KCND2: variants seen among roughly 807,000 people sequenced by gnomAD.
The protein encoded by KCND2 is potassium voltage-gated channel subfamily D member 2.
A neutral mutation model predicts 54.4 loss-of-function variants in KCND2; 16 were observed. That is an observed-to-expected ratio of 0.29 (90% CI 0.20 to 0.45). The LOEUF (loss-of-function observed/expected upper bound fraction) is 0.45. Among genes scored for constraint, KCND2 ranks in the 20% least tolerant of loss-of-function variants. KCND2 has a pLI of 1.00. For missense variants in KCND2, 486 were observed against 824.2 expected, an observed-to-expected ratio of 0.59 and a Z score of 5.02; for synonymous variants, 317 against 310.7, an observed-to-expected ratio of 1.02 and a Z score of -0.21.
intron 1 of KCND2, among the ~76,000 whole-genome samples, chr7:120,621,070 C>T (rs750852454): frequency 1.3e-5 from 2 of 151,646 alleles, no homozygotes; most frequent in Non-Finnish European, 1.5e-5. Flanking sequence ...TTTAGGAGTT[C>T]GAGACCAGCC....
At chr7:120,443,848 C>T (rs895210501) in intron 1 of KCND2, among the ~76,000 whole-genome samples, 1 of 152,062 alleles carries the variant, frequency 6.6e-6, no homozygotes, top group African/African-American at 2.4e-5. Context: ...TATTAGCCTT[C>T]TTGGCTTCAG....
intron 1 of KCND2, among the ~76,000 whole-genome samples, chr7:120,352,211 C>T (rs1800419928): frequency 6.6e-6 from 1 of 151,946 alleles, no homozygotes; most frequent in Non-Finnish European, 1.5e-5. Context: ...GCTGGGATTA[C>T]AGGCATGAGC....
intron 1 of KCND2, among the ~76,000 whole-genome samples, chr7:120,489,232 CTGT>C (rs897033973): frequency 6.6e-6 from 1 of 151,842 alleles, no homozygotes; most frequent in Non-Finnish European, 1.5e-5. Context: ...GTAGATCAGT[CTGT>C]TATTATAACT....
intron 1 of KCND2, among the ~76,000 whole-genome samples, chr7:120,475,295 G>C (rs1223382372): frequency 1.3e-5 from 2 of 152,160 alleles, no homozygotes; most frequent in African/African-American, 2.4e-5. Context: ...TGTATCAAGA[G>C]AATGATAAAG....
intron 1 of KCND2, among the ~76,000 whole-genome samples, chr7:120,671,686 A>G (rs937617035): frequency 6.6e-6 from 1 of 152,002 alleles, no homozygotes; most frequent in African/African-American, 2.4e-5. Context: ...TAACATCCAC[A>G]TCTGTGACCC....
chr7:120,319,704 G>T lies in KCND2; in HGVS notation c.1115+43957G>T, dbSNP rs1055141787. Reference sequence around the variant, plus strand: ...TTCAAAAATATTGTTAAGATAATTAGATAGCCAAGAAGATAAGTTGTGTCA... The same window carrying T: ...TTCAAAAATATTGTTAAGATAATTATATAGCCAAGAAGATAAGTTGTGTCA... On this transcript the variant is annotated intron_variant, in intron 1 of 5. Coordinates refer to ENST00000331113, the MANE Select transcript of KCND2 (RefSeq NM_012281.3). Among the ~76,000 whole-genome samples, 6 of 152,030 alleles carry T rather than the reference G, an allele frequency of 3.9e-5. No individual in the cohort carries two copies. In the East Asian group the frequency reaches 9.6e-4, roughly 24 times the overall value.
intron 1 of KCND2, among the ~76,000 whole-genome samples, chr7:120,437,330 G>A (rs1801882082): frequency 6.6e-6 from 1 of 150,982 alleles, no homozygotes; most frequent in Admixed American, 6.6e-5. Flanking sequence ...AGCCTCCGGA[G>A]TAGCTGGGAT....
intron 1 of KCND2, among the ~76,000 whole-genome samples, chr7:120,463,017 A>G (rs962835862): frequency 2.6e-5 from 4 of 152,086 alleles, no homozygotes; most frequent in African/African-American, 9.7e-5. Flanking sequence ...GCAGTAACAA[A>G]TCACAGCATC....
chr7:120,605,742 T>C (rs1254467039), intron 1 of KCND2, among the ~76,000 whole-genome samples: 2 of 152,346 alleles, frequency 1.3e-5, no homozygotes, highest in East Asian at 3.9e-4. Flanking sequence ...ATTATCTATC[T>C]TTTTGATTAT....
At chr7:120,291,318 C>T (rs1369151521) in intron 1 of KCND2, among the ~76,000 whole-genome samples, 2 of 151,820 alleles carry the variant, frequency 1.3e-5, no homozygotes, top group African/African-American at 4.8e-5. Flanking sequence ...CACTTGAGCT[C>T]CCCAAAAATC....
At position 120,741,513 on chromosome 7, in the gene KCND2, T is replaced by A. The variant is rs116565037; in HGVS notation, c.1279-21T>A. 775 of 1,507,952 alleles carry A rather than the reference T, an allele frequency of 5.1e-4. 4 individuals carry two copies. In the African/African-American group the frequency reaches 8.9e-3, roughly 17 times the overall value. 93.4% of individuals were successfully genotyped at this position (1,507,952 alleles called of 1,614,324 possible). On this transcript the variant is annotated intron_variant, in intron 2 of 5. Coordinates refer to ENST00000331113, the MANE Select transcript of KCND2 (RefSeq NM_012281.3). ...AAACGATTTATAAATGTTAATGGGATGTTTATTTTTTCTCCTATAGAAAGC... is the reference window on the plus strand; with the variant it reads ...AAACGATTTATAAATGTTAATGGGAAGTTTATTTTTTCTCCTATAGAAAGC...
intron 1 of KCND2, among the ~76,000 whole-genome samples, chr7:120,296,008 A>G (rs1002649930): frequency 2.0e-5 from 3 of 152,152 alleles, no homozygotes; most frequent in Admixed American, 6.6e-5. Context: ...ACATGGGAAT[A>G]TTTGAGGTAA....
chr7:120,739,500 A>T (rs1309620465), intron 2 of KCND2, among the ~76,000 whole-genome samples: 1 of 151,894 alleles, frequency 6.6e-6, no homozygotes, highest in Non-Finnish European at 1.5e-5. Flanking sequence ...ATTCTCTACT[A>T]TTGTGTCAGT....
At chr7:120,286,284 C>G (rs1799341760) in intron 1 of KCND2, among the ~76,000 whole-genome samples, 1 of 151,818 alleles carries the variant, frequency 6.6e-6, no homozygotes, top group South Asian at 2.1e-4. Flanking sequence ...GAAGCACACA[C>G]ATATACACCA....
At chr7:120,372,665 T>C (rs1052446444) in intron 1 of KCND2, among the ~76,000 whole-genome samples, 2 of 151,924 alleles carry the variant, frequency 1.3e-5, no homozygotes, top group African/African-American at 2.4e-5. Context: ...ACAAATCTCC[T>C]TTCTTTTCCT....
chr7:120,429,166 C>T (rs189342717), intron 1 of KCND2, among the ~76,000 whole-genome samples: 17 of 152,194 alleles, frequency 1.1e-4, no homozygotes, highest in Admixed American at 4.6e-4. Flanking sequence ...TCAGGGAGTC[C>T]ACAATATCAA....
intron 1 of KCND2, among the ~76,000 whole-genome samples, chr7:120,725,288 G>A (rs1227050892): frequency 2.0e-5 from 3 of 151,992 alleles, no homozygotes; most frequent in African/African-American, 7.3e-5. Flanking sequence ...CACACTAAGG[G>A]TCCTAATTAA....
intron 1 of KCND2, among the ~76,000 whole-genome samples, chr7:120,403,201 T>G (rs1004203487): frequency 6.6e-6 from 1 of 152,144 alleles, no homozygotes; most frequent in East Asian, 1.9e-4. Flanking sequence ...AAAGAGAGAA[T>G]TTGTGACTGA....
At chr7:120,367,022 C>T (rs933629977) in intron 1 of KCND2, among the ~76,000 whole-genome samples, 8 of 152,032 alleles carry the variant, frequency 5.3e-5, no homozygotes, top group Admixed American at 3.9e-4. Context: ...TAACCACAGG[C>T]GTAGTTACAG....
Sources: gnomAD v4.1 joint callset for allele counts (sites outside exome capture counted in the v4.1 genomes callset) on GRCh38, gnomAD v4.1.1 for gene constraint, MANE v1.5 for transcripts, NCBI Gene and HGNC (gene_info 2026-07-23, HGNC 2026-07-21) for gene names.